Variants in MVB12B observed in about 807,000 individuals in gnomAD.
MVB12B encodes ESCRT-I complex subunit MVB12B.
MVB12B carries 16 observed loss-of-function variants against 41.6 expected under a neutral mutation model. The observed-to-expected ratio is 0.38, with a 90% CI of 0.26 to 0.58. MVB12B has a LOEUF of 0.58. Ranked by LOEUF, MVB12B falls within the 20% of genes least tolerant of loss-of-function variation. The probability of loss-of-function intolerance (pLI) is 0.62; values close to 1 mark genes in which losing one functional copy is unlikely to be tolerated. For missense variants in MVB12B, 274 were observed against 380.2 expected (o/e 0.72, Z 2.32); for synonymous variants, 133 against 139.7 (o/e 0.95, Z 0.34).
chr9:126,488,613 G>C (rs552353595), intron 9 of MVB12B, among the ~76,000 whole-genome samples: 151 of 152,320 alleles, frequency 9.9e-4, no homozygotes, highest in Non-Finnish European at 1.8e-3. Context: ...TAAGTGACTG[G>C]CCAGATTCCC....
intron 2 of MVB12B, among the ~76,000 whole-genome samples, chr9:126,351,908 G>C (rs1019320340): frequency 6.6e-6 from 1 of 152,078 alleles, no homozygotes; most frequent in African/African-American, 2.4e-5. Flanking sequence ...GAATAGGTAT[G>C]GAATTTTGTC....
At chr9:126,368,375 C>T (rs1050988463) in intron 2 of MVB12B, among the ~76,000 whole-genome samples, 1 of 152,168 alleles carries the variant, frequency 6.6e-6, no homozygotes, top group African/African-American at 2.4e-5. Flanking sequence ...CATTGTTATC[C>T]CAGATTCCAG....
intron 1 of MVB12B, chr9:126,335,453 TGTG>T: frequency 7.8e-6 from 10 of 1,278,856 alleles, no homozygotes; most frequent in Non-Finnish European, 1.0e-5. Flanking sequence ...GGTTTGTGTG[TGTG>T]GTGTGCATTG....
chr9:126,449,372 A>G (rs1396528412), intron 7 of MVB12B, among the ~76,000 whole-genome samples: 1 of 152,172 alleles, frequency 6.6e-6, no homozygotes, highest in Non-Finnish European at 1.5e-5. Context: ...CAACGGCTGT[A>G]GAGAAGACCC....
rs982163381 is a variant in MVB12B, at chr9:126,480,262, G to C, written c.758-1107G>C. On this transcript the variant is annotated intron_variant, in intron 7 of 9. Coordinates refer to ENST00000361171, the MANE Select transcript of MVB12B (RefSeq NM_033446.3). This position sits in a 1 kb window ranked among gnomAD's most constrained non-coding sequence, Gnocchi z 4.9. Reference sequence around the variant, plus strand: ...CTAACAACTGCGGCTGCATGTTCCCGACTCTTCCCAGACCTAAGGGAGAAG... The same window carrying C: ...CTAACAACTGCGGCTGCATGTTCCCCACTCTTCCCAGACCTAAGGGAGAAG... Among the ~76,000 whole-genome samples, 1 of 152,168 alleles carries C rather than the reference G, an allele frequency of 6.6e-6. No homozygotes were observed. The highest frequency in any genetic ancestry group is 1.5e-5 in the Non-Finnish European group (1 of 68,034).
At chr9:126,327,581 G>C (rs1412751680) in intron 1 of MVB12B, among the ~76,000 whole-genome samples, 1 of 152,106 alleles carries the variant, frequency 6.6e-6, no homozygotes, top group African/African-American at 2.4e-5. Context: ...TGGGCACGTC[G>C]AGCACCCTAC....
chr9:126,445,282 A>G (rs1210826432), intron 7 of MVB12B, among the ~76,000 whole-genome samples: 1 of 152,084 alleles, frequency 6.6e-6, no homozygotes, highest in Non-Finnish European at 1.5e-5. Context: ...ATTTTGTTGC[A>G]TTACCCATTA....
intron 6 of MVB12B, chr9:126,396,990 TG>T: frequency 1.0e-6 from 1 of 985,604 alleles, no homozygotes; most frequent in African/African-American, 1.7e-5. Context: ...CACTGTCTCC[TG>T]TGCTCAAGGC....
chr9:126,393,784 G>A (rs1205328938), intron 5 of MVB12B, among the ~76,000 whole-genome samples: 2 of 152,232 alleles, frequency 1.3e-5, no homozygotes, highest in Non-Finnish European at 2.9e-5. Flanking sequence ...CCCTGGCCAG[G>A]GCTGGCAGGG....
intron 2 of MVB12B, among the ~76,000 whole-genome samples, chr9:126,366,308 A>G (rs1012025666): frequency 4.0e-5 from 6 of 151,888 alleles, no homozygotes; most frequent in African/African-American, 9.7e-5. Context: ...TCTCAACCTC[A>G]TCTCTACTTT....
chr9:126,468,983 G>C lies in MVB12B; in HGVS notation c.758-12386G>C, dbSNP rs887951962. ...ATTGCAAAACAGTTACTTATGCTGTGATGCTATTTTTATTAAAAACACGAA... is the reference window on the plus strand; with the variant it reads ...ATTGCAAAACAGTTACTTATGCTGTCATGCTATTTTTATTAAAAACACGAA... On this transcript the variant is annotated intron_variant, in intron 7 of 9. Coordinates refer to ENST00000361171, the MANE Select transcript of MVB12B (RefSeq NM_033446.3). The surrounding 1 kb of genome is among the most constrained non-coding windows in gnomAD (Gnocchi z 4.3). Among the ~76,000 whole-genome samples, 1 of 152,194 alleles carries C rather than the reference G, an allele frequency of 6.6e-6. No homozygotes were observed. Among genetic ancestry groups the C allele is most frequent in the African/African-American group, 2.4e-5 (1 of 41,450 alleles).
At chr9:126,456,211 C>A (rs947801813) in intron 7 of MVB12B, among the ~76,000 whole-genome samples, 2 of 152,126 alleles carry the variant, frequency 1.3e-5, no homozygotes, top group African/African-American at 2.4e-5. Flanking sequence ...TCTTGAACAT[C>A]TCTTCCCAAT....
chr9:126,407,120 C>A (rs1390193682), intron 6 of MVB12B, among the ~76,000 whole-genome samples: 1 of 152,132 alleles, frequency 6.6e-6, no homozygotes, highest in Admixed American at 6.5e-5. Flanking sequence ...TGCTTGACCC[C>A]AGGGTATTTA....
chr9:126,485,970 A>G (rs1244976670), intron 9 of MVB12B, among the ~76,000 whole-genome samples: 3 of 152,084 alleles, frequency 2.0e-5, no homozygotes, highest in African/African-American at 7.2e-5. Flanking sequence ...AACCATTTCA[A>G]TATTCTCCAT....
chr9:126,363,229 T>TA (rs1404356751), intron 2 of MVB12B, among the ~76,000 whole-genome samples: 2 of 152,190 alleles, frequency 1.3e-5, no homozygotes, highest in Non-Finnish European at 2.9e-5. Context: ...AGATTTCTCT[T>TA]ACATTCAACA....
chr9:126,425,150 G>A (rs1250933311), intron 7 of MVB12B, among the ~76,000 whole-genome samples: 1 of 152,150 alleles, frequency 6.6e-6, no homozygotes, highest in East Asian at 1.9e-4. Flanking sequence ...GTGCATGCCT[G>A]TAGTCCCAAC....
intron 6 of MVB12B, among the ~76,000 whole-genome samples, chr9:126,404,769 AAGCGGGCGTTTAAGC>A (rs1245902477): frequency 2.0e-5 from 3 of 152,238 alleles, no homozygotes; most frequent in African/African-American, 4.8e-5. Flanking sequence ...CCTCGCTTTG[AAGCGGGCGTTTAAGC>A]AGGGTTACGA....
At chr9:126,337,696 G>A (rs904515347) in intron 1 of MVB12B, among the ~76,000 whole-genome samples, 10 of 152,178 alleles carry the variant, frequency 6.6e-5, no homozygotes, top group Non-Finnish European at 1.5e-4. Context: ...GCTGCAAAGC[G>A]CTGTCCAAAT....
intron 2 of MVB12B, among the ~76,000 whole-genome samples, chr9:126,371,794 T>TAATA (rs1235045983): frequency 6.6e-6 from 1 of 152,210 alleles, no homozygotes; most frequent in African/African-American, 2.4e-5. Context: ...GGACCAGAGA[T>TAATA]AATAGTAAGT....
Sources: allele counts gnomAD v4.1 joint callset (sites outside exome capture counted in the v4.1 genomes callset), GRCh38; gene constraint gnomAD v4.1.1; non-coding constraint Gnocchi (gnomAD v3.1); transcripts MANE v1.5; gene names NCBI Gene and HGNC (gene_info 2026-07-23, HGNC 2026-07-21).